Variants in SPATS2 observed in about 807,000 individuals in gnomAD.
The protein encoded by SPATS2 is spermatogenesis-associated serine-rich protein 2.
A neutral mutation model predicts 63.7 loss-of-function variants in SPATS2; 38 were observed. That is an observed-to-expected ratio of 0.60 (90% CI 0.46 to 0.78). The LOEUF is 0.78. Among genes scored for constraint, SPATS2 ranks in the 30% least tolerant of loss-of-function variants. The pLI is 0.00. For synonymous variants in SPATS2, 207 were observed against 232.9 expected (o/e 0.89, Z 1.01); for missense variants, 588 against 666.2 (o/e 0.88, Z 1.29).
At chr12:49,382,766 G>A (rs553766845) in intron 2 of SPATS2, among the ~76,000 whole-genome samples, 31 of 151,602 alleles carry the variant, frequency 2.0e-4, no homozygotes, top group African/African-American at 6.5e-4. Context: ...GTGCAATGGC[G>A]CTATCTCTGC....
chr12:49,450,663 C>A (rs937557451), intron 2 of SPATS2, among the ~76,000 whole-genome samples: 13 of 152,154 alleles, frequency 8.5e-5, no homozygotes, highest in Non-Finnish European at 1.5e-5. Flanking sequence ...CCTGCCTCAG[C>A]CTCCTGAGTA....
chr12:49,373,060 C>T (rs966521932), intron 2 of SPATS2, among the ~76,000 whole-genome samples: 3 of 151,426 alleles, frequency 2.0e-5, no homozygotes, highest in African/African-American at 7.3e-5. Flanking sequence ...ACAACCTCCA[C>T]CTCTCGGGTT....
intron 2 of SPATS2, among the ~76,000 whole-genome samples, chr12:49,444,415 C>T (rs1008284123): frequency 1.3e-5 from 2 of 151,782 alleles, no homozygotes; most frequent in Admixed American, 6.6e-5. Context: ...AATGGGGTCT[C>T]GCTTTTTTCC....
At chr12:49,515,923 C>T (rs1179839563) in intron 10 of SPATS2, among the ~76,000 whole-genome samples, 1 of 151,340 alleles carries the variant, frequency 6.6e-6, no homozygotes, top group Admixed American at 6.6e-5. Context: ...GGGCAGATCA[C>T]GAGGTCAGGA....
At chr12:49,368,989 C>G (rs1433455997) in intron 1 of SPATS2, among the ~76,000 whole-genome samples, 29 of 149,538 alleles carry the variant, frequency 1.9e-4, no homozygotes. Flanking sequence ...TTGAACAAAG[C>G]AAGAAATGAG....
chr12:49,511,803 C>A (rs1314345280), intron 9 of SPATS2, among the ~76,000 whole-genome samples: 4 of 152,178 alleles, frequency 2.6e-5, no homozygotes, highest in Non-Finnish European at 5.9e-5. Flanking sequence ...ATGTTGTTAT[C>A]CTTACACCTA....
intron 2 of SPATS2, among the ~76,000 whole-genome samples, chr12:49,438,199 A>G (rs1253379174): frequency 6.6e-6 from 1 of 152,214 alleles, no homozygotes; most frequent in Non-Finnish European, 1.5e-5. Context: ...TGATATAAAC[A>G]GAATCCTATA....
At chr12:49,481,789 C>T (rs1257950379) in intron 3 of SPATS2, among the ~76,000 whole-genome samples, 1 of 152,002 alleles carries the variant, frequency 6.6e-6, no homozygotes, top group African/African-American at 2.4e-5. Context: ...CTTTATGAAT[C>T]TTGCCTGAGA....
At chr12:49,428,761 A>C (rs1398575987) in intron 2 of SPATS2, among the ~76,000 whole-genome samples, 5 of 152,312 alleles carry the variant, frequency 3.3e-5, no homozygotes, top group Admixed American at 3.3e-4. Flanking sequence ...TATGCTTGGA[A>C]TCTCCCTTTA....
At chr12:49,492,908 C>G (rs1026590956) in intron 6 of SPATS2, among the ~76,000 whole-genome samples, 10 of 151,736 alleles carry the variant, frequency 6.6e-5, no homozygotes, top group African/African-American at 2.2e-4. Context: ...CCAGCCTGGC[C>G]AACATGGTGA....
At chr12:49,378,981 G>A (rs981901588) in intron 2 of SPATS2, among the ~76,000 whole-genome samples, 4 of 151,656 alleles carry the variant, frequency 2.6e-5, no homozygotes, top group African/African-American at 7.3e-5. Flanking sequence ...GCAGTGGTGC[G>A]ATCTCGGCTC....
chr12:49,492,895 A>G (rs531419033), intron 6 of SPATS2, among the ~76,000 whole-genome samples: 1 of 152,196 alleles, frequency 6.6e-6, no homozygotes, highest in African/African-American at 2.4e-5. Context: ...CAGGGGATTG[A>G]GACCAGCCTG....
At chr12:49,407,086 C>G (rs151151768) in intron 2 of SPATS2, among the ~76,000 whole-genome samples, 9 of 152,302 alleles carry the variant, frequency 5.9e-5, no homozygotes, top group African/African-American at 2.2e-4. Flanking sequence ...ACCTTGGAAT[C>G]ATCCTTGATG....
intron 1 of SPATS2, among the ~76,000 whole-genome samples, chr12:49,369,207 T>C (rs1565687781): frequency 1.3e-5 from 2 of 152,072 alleles, no homozygotes; most frequent in African/African-American, 2.4e-5. Context: ...TTTGTATTTT[T>C]AGTAGAGACG....
intron 9 of SPATS2, among the ~76,000 whole-genome samples, chr12:49,502,135 A>G (rs1282655649): frequency 6.6e-6 from 1 of 152,180 alleles, no homozygotes; most frequent in Non-Finnish European, 1.5e-5. Flanking sequence ...AACAAACCAT[A>G]CATGCTTTCT....
At chr12:49,497,861 A>C (rs1171776207) in intron 8 of SPATS2, among the ~76,000 whole-genome samples, 1 of 151,944 alleles carries the variant, frequency 6.6e-6, no homozygotes, top group Non-Finnish European at 1.5e-5. Context: ...AGAAAACTAC[A>C]ATAATCATTT....
rs769046413 is a variant in SPATS2 at position 49,484,644 on chromosome 12, G to C, written c.80G>C (p.Gly27Ala). 1.2e-6 allele frequency: 2 copies of C among 1,613,998 alleles called. No individual in the cohort carries two copies. The highest frequency in any genetic ancestry group is 2.2e-5 in the South Asian group (2 of 91,076). The part of the protein sequence containing the change: ...LQSNTVLAQG[G>A]AFENMKEKIN... ...TCCAATACCGTACTGGCCCAGGGAG[G>C]AGCTTTTGAGAACATGAAAGAGAAG... Residue 27 changes from glycine (G) to alanine (A), a missense_variant, in exon 4 of 14, where the codon GGA (glycine) becomes GCA (alanine). Physicochemically the swap from Gly to Ala is moderately conservative, Grantham distance 60 (BLOSUM62 0). Coordinates refer to ENST00000552918, the MANE Select transcript of SPATS2 (RefSeq NM_023071.4).
intron 2 of SPATS2, among the ~76,000 whole-genome samples, chr12:49,436,551 C>G (rs1215862555): frequency 7.9e-6 from 1 of 127,224 alleles, no homozygotes; most frequent in South Asian, 2.4e-4. Context: ...CCTGGCCGGG[C>G]GGGGGGCTGA....
intron 6 of SPATS2, among the ~76,000 whole-genome samples, chr12:49,491,428 G>A (rs1946380720): frequency 6.6e-6 from 1 of 151,958 alleles, no homozygotes. Flanking sequence ...AAGCTGTTAG[G>A]TGCTGGCCAG....
Sources: allele counts gnomAD v4.1 joint callset (sites outside exome capture counted in the v4.1 genomes callset), GRCh38; gene constraint gnomAD v4.1.1; transcripts MANE v1.5; gene names NCBI Gene and HGNC (gene_info 2026-07-23, HGNC 2026-07-21).